FHL2: variants seen among roughly 807,000 people sequenced by gnomAD.
FHL2 encodes four and a half LIM domains protein 2.
FHL2 carries 20 observed loss-of-function variants against 32.7 expected under a neutral mutation model. The ratio of observed to expected loss-of-function variants is 0.61; its 90% CI spans 0.43 to 0.89. The LOEUF (loss-of-function observed/expected upper bound fraction) is 0.89, where lower values mean the gene tolerates loss of function less well. FHL2 is among the 40% of genes least tolerant of loss of function. The pLI is 0.00. For missense variants in FHL2, 311 were observed against 358.6 expected (o/e 0.87, Z 1.07); for synonymous variants, 123 against 128.1 (o/e 0.96, Z 0.27).
intron 2 of FHL2, among the ~76,000 whole-genome samples, chr2:105,388,095 G>A (rs1682453025): frequency 6.6e-6 from 1 of 152,216 alleles, no homozygotes; most frequent in Middle Eastern, 3.4e-3. Context: ...CAGACGCTGG[G>A]GTCTACTTGA....
chr2:105,418,685 C>T (rs946251078), intron 1 of FHL2, among the ~76,000 whole-genome samples: 6 of 152,266 alleles, frequency 3.9e-5, no homozygotes, highest in South Asian at 2.1e-4. Flanking sequence ...CATACAGTAG[C>T]GCCCTCCTCC....
At chr2:105,386,075 G>C (rs1253877791) in intron 3 of FHL2, 1 of 441,678 alleles carries the variant, frequency 2.3e-6, no homozygotes, top group African/African-American at 2.0e-5. Flanking sequence ...AGTATTGGTA[G>C]GCAGCTGGGT....
intron 1 of FHL2, chr2:105,438,259 G>A (rs1684671710): frequency 1.5e-6 from 1 of 661,472 alleles, no homozygotes; most frequent in Non-Finnish European, 1.9e-6. Context: ...GGGTCAGCGA[G>A]CTCCCAGTGC....
At chr2:105,399,557 C>T, upstream of FHL2, 2 of 1,535,968 alleles carry the variant, frequency 1.3e-6, no homozygotes, top group East Asian at 2.4e-5. Context: ...AAGAATCCTT[C>T]GTTCCACTAC....
At chr2:105,390,594 A>G (rs917479998) in intron 2 of FHL2, among the ~76,000 whole-genome samples, 1 of 152,228 alleles carries the variant, frequency 6.6e-6, no homozygotes, top group Non-Finnish European at 1.5e-5. Flanking sequence ...TAAAATGAGC[A>G]ACTGCTGCTA....
chr2:105,399,204 G>A (rs946399717), upstream of FHL2: 12 of 1,464,222 alleles, frequency 8.2e-6, no homozygotes, highest in African/African-American at 7.4e-5. Flanking sequence ...CCCGGGCTGC[G>A]GCGGTCCCGG....
At chr2:105,359,050 T>C (rs1309099681), downstream of FHL2, 17 of 152,354 alleles carry the variant, frequency 1.1e-4, no homozygotes, top group African/African-American at 3.1e-4. Context: ...CGTTCTCTTC[T>C]TCCAAGTGTC....
At chr2:105,423,090 G>A (rs1030005240) in intron 1 of FHL2, among the ~76,000 whole-genome samples, 3 of 152,158 alleles carry the variant, frequency 2.0e-5, no homozygotes, top group African/African-American at 7.2e-5. Flanking sequence ...TCAGGTCCCT[G>A]GGGCAGCTCT....
chr2:105,412,420 T>A (rs1029704818), intron 1 of FHL2, among the ~76,000 whole-genome samples: 10 of 152,216 alleles, frequency 6.6e-5, no homozygotes, highest in Non-Finnish European at 1.5e-4. Flanking sequence ...GGAGGATGAA[T>A]TCAATTTTGA....
chr2:105,368,013 T>C (rs777158349), intron 4 of FHL2, among the ~76,000 whole-genome samples: 1 of 152,214 alleles, frequency 6.6e-6, no homozygotes, highest in Non-Finnish European at 1.5e-5. Context: ...GTTAGGAATG[T>C]TAAATCTAAA....
intron 1 of FHL2, among the ~76,000 whole-genome samples, chr2:105,430,475 G>A (rs778238776): frequency 7.9e-5 from 12 of 152,106 alleles, no homozygotes; most frequent in Admixed American, 2.6e-4. Context: ...GAGACCAGCC[G>A]GGCCAACATG....
At chr2:105,432,573 C>T (rs1039225065) in intron 1 of FHL2, among the ~76,000 whole-genome samples, 8 of 152,106 alleles carry the variant, frequency 5.3e-5, no homozygotes, top group Non-Finnish European at 8.8e-5. Context: ...GAAAATTGGA[C>T]GCTTTTCAAA....
intron 4 of FHL2, among the ~76,000 whole-genome samples, chr2:105,372,344 G>A (rs1350479439): frequency 6.6e-6 from 1 of 151,940 alleles, no homozygotes; most frequent in Non-Finnish European, 1.5e-5. Flanking sequence ...TCCTGCCTCA[G>A]CCTCCCGAGT....
At chr2:105,395,233 T>C (rs1331017131) in intron 2 of FHL2, among the ~76,000 whole-genome samples, 2 of 152,196 alleles carry the variant, frequency 1.3e-5, no homozygotes, top group African/African-American at 2.4e-5. Context: ...AGGACAACCA[T>C]AGCTGCACAC....
intron 2 of FHL2, among the ~76,000 whole-genome samples, chr2:105,389,284 C>T (rs561772595): frequency 2.6e-5 from 4 of 152,264 alleles, no homozygotes; most frequent in Admixed American, 1.3e-4. Context: ...TCCTTTGTAC[C>T]GCAGCCATCT....
At chr2:105,383,102 T>A (rs182045241) in intron 3 of FHL2, among the ~76,000 whole-genome samples, 1,766 of 152,310 alleles carry the variant, frequency 0.012, 39 homozygotes, top group African/African-American at 0.041. Flanking sequence ...GCCAGGCTGG[T>A]CTCCAGCTCC....
intron 2 of FHL2, among the ~76,000 whole-genome samples, chr2:105,392,890 G>C (rs1002921187): frequency 2.1e-5 from 3 of 139,556 alleles, no homozygotes; most frequent in Non-Finnish European, 4.5e-5. Context: ...CCCTATCTTG[G>C]CTCACTTCAG....
At chr2:105,425,294 C>T (rs906689139) in intron 1 of FHL2, among the ~76,000 whole-genome samples, 2 of 152,150 alleles carry the variant, frequency 1.3e-5, no homozygotes, top group South Asian at 4.1e-4. Flanking sequence ...AAGCAGTATA[C>T]TTGGTAAAGG....
intron 1 of FHL2, among the ~76,000 whole-genome samples, chr2:105,415,640 G>A (rs921930581): frequency 1.3e-5 from 2 of 152,176 alleles, no homozygotes; most frequent in African/African-American, 2.4e-5. Context: ...AACGAAAACC[G>A]TGTCTGAAAA....
Sources: gnomAD v4.1 joint callset for allele counts (sites outside exome capture counted in the v4.1 genomes callset) on GRCh38, gnomAD v4.1.1 for gene constraint, MANE v1.5 for transcripts, NCBI Gene and HGNC (gene_info 2026-07-23, HGNC 2026-07-21) for gene names.